PDXDC1: variants seen among roughly 807,000 people sequenced by gnomAD.
The protein encoded by PDXDC1 is pyridoxal dependent decarboxylase domain containing 1, also known as pyridoxal-dependent decarboxylase domain-containing protein 1.
A neutral mutation model predicts 100.1 loss-of-function variants in PDXDC1; 42 were observed. The observed-to-expected ratio is 0.42, with a 90% CI of 0.33 to 0.54. The LOEUF (loss-of-function observed/expected upper bound fraction) is 0.54, where lower values mean the gene tolerates loss of function less well. Among genes scored for constraint, PDXDC1 ranks in the 20% least tolerant of loss-of-function variants. The pLI is 0.10. For missense variants in PDXDC1, 636 were observed against 979.2 expected (o/e 0.65, Z 4.68); for synonymous variants, 260 against 371.7 (o/e 0.70, Z 3.46).
chr16:15,044,522 C>G, intron 16 of PDXDC1: 1 of 740,216 alleles, frequency 1.4e-6, no homozygotes, highest in East Asian at 2.7e-5. Context: ...AGCAGAGCTG[C>G]AGGTCATCTT....
intron 16 of PDXDC1, chr16:15,044,854 C>T (rs1416515342): frequency 1.9e-5 from 3 of 157,874 alleles, no homozygotes; most frequent in Non-Finnish European, 2.8e-5. Flanking sequence ...GGCGCAGTGG[C>T]TCACGCCTGT....
chr16:15,094,377 G>A (rs377296416), intron 16 of PDXDC1: 6 of 734,564 alleles, frequency 8.2e-6, no homozygotes, highest in South Asian at 6.5e-5. Context: ...GCTCTCGGCG[G>A]GCTAGAGCGC....
chr16:14,998,531 G>T lies in PDXDC1; in HGVS notation c.161+126G>T, dbSNP rs577476983. ...ACAATCTGGGCTCGCTGCAACCTCC[G>T]CCTCCCGGGTTCAAGCAGTTCTTTC... On this transcript the variant is annotated intron_variant, in intron 3 of 22. Coordinates refer to ENST00000396410, the MANE Select transcript of PDXDC1 (RefSeq NM_015027.4). 6 of 986,736 alleles carry T rather than the reference G, an allele frequency of 6.1e-6. No homozygotes were observed. In the South Asian group the frequency reaches 9.9e-5, roughly 16 times the overall value. The allele number at this position is 986,736 out of a possible 1,614,324, so 61.1% of individuals were successfully genotyped here. A position where few individuals can be genotyped will look rare whatever the true frequency, so the allele number is the denominator to read the frequency against.
chr16:15,021,454 C>G (rs553268010), intron 12 of PDXDC1, among the ~76,000 whole-genome samples: 1 of 152,312 alleles, frequency 6.6e-6, no homozygotes, highest in Non-Finnish European at 1.5e-5. Context: ...TGAAAAGTGT[C>G]TCACTGTGCT....
At chr16:15,000,867 T>C (rs1972988908) in intron 3 of PDXDC1, among the ~76,000 whole-genome samples, 2 of 150,378 alleles carry the variant, frequency 1.3e-5, no homozygotes, top group Non-Finnish European at 1.5e-5. Context: ...CTGTCTAGCA[T>C]TATACTATAC....
intron 16 of PDXDC1, chr16:15,094,151 C>A: frequency 6.3e-7 from 1 of 1,598,218 alleles, no homozygotes; most frequent in Non-Finnish European, 8.5e-7. Context: ...TTACCCAGTC[C>A]TCGACGCGCC....
chr16:15,136,186 C>T, intron 16 of PDXDC1: 1 of 797,874 alleles, frequency 1.3e-6, no homozygotes, highest in Admixed American at 2.3e-5. Flanking sequence ...ATCCTCCCAC[C>T]CTCACAGCAG....
At chr16:15,080,160 C>G in intron 16 of PDXDC1, 1 of 1,509,124 alleles carries the variant, frequency 6.6e-7, no homozygotes, top group East Asian at 2.4e-5. Context: ...GTTATGTAAG[C>G]AAAACATCAA....
At chr16:15,142,677 C>T (rs926087061), downstream of PDXDC1, among the ~76,000 whole-genome samples, 3 of 152,182 alleles carry the variant, frequency 2.0e-5, no homozygotes, top group African/African-American at 7.2e-5. Flanking sequence ...ACGTCTGCAT[C>T]TGCTTTTGCC....
At chr16:15,040,133 C>A (rs1056118251), downstream of PDXDC1, 30 of 830,726 alleles carry the variant, frequency 3.6e-5, no homozygotes, top group Non-Finnish European at 5.9e-5. Flanking sequence ...CACAGTCTTA[C>A]ATTTCTACCA....
chr16:14,990,704 C>T (rs1377681469), intron 1 of PDXDC1, among the ~76,000 whole-genome samples: 1 of 152,282 alleles, frequency 6.6e-6, no homozygotes, highest in African/African-American at 2.4e-5. Context: ...ACCCACTCCC[C>T]CCTGGGCTTA....
At chr16:15,020,271 C>T (rs1245953029) in intron 12 of PDXDC1, among the ~76,000 whole-genome samples, 9 of 152,266 alleles carry the variant, frequency 5.9e-5, no homozygotes, top group South Asian at 2.1e-4. Context: ...GCTCGAGGAA[C>T]GAATACAGGT....
intron 16 of PDXDC1, chr16:15,110,314 G>C (rs1370968463): frequency 9.4e-7 from 1 of 1,066,314 alleles, no homozygotes; most frequent in East Asian, 2.5e-5. Context: ...CACTGAATTT[G>C]CCACAAATAT....
the PDXDC1 span, among the ~76,000 whole-genome samples, chr16:15,144,369 T>G: frequency 2.0e-5 from 3 of 152,080 alleles, no homozygotes; most frequent in Non-Finnish European, 2.9e-5. Flanking sequence ...AGGCTGCAGT[T>G]TGGGACGGTG....
chr16:15,002,063 T>C (rs1973283312), intron 4 of PDXDC1, among the ~76,000 whole-genome samples: 1 of 152,302 alleles, frequency 6.6e-6, no homozygotes, highest in South Asian at 2.1e-4. Context: ...TCCCATAGTT[T>C]TTATGGTATC....
intron 14 of PDXDC1, among the ~76,000 whole-genome samples, chr16:15,027,898 C>T (rs1299535635): frequency 6.6e-6 from 1 of 152,278 alleles, no homozygotes; most frequent in Non-Finnish European, 1.5e-5. Flanking sequence ...CTTGTCCTCA[C>T]CTAGGTCCGT....
At chr16:15,084,789 G>A (rs932152387) in intron 16 of PDXDC1, 8 of 952,308 alleles carry the variant, frequency 8.4e-6, no homozygotes, top group Non-Finnish European at 1.4e-5. Context: ...ATGCTGGCTG[G>A]GCACAGTGGC....
chr16:15,028,180 AGTC>A (rs2042770739), intron 14 of PDXDC1, among the ~76,000 whole-genome samples: 1 of 152,284 alleles, frequency 6.6e-6, no homozygotes, highest in Non-Finnish European at 1.5e-5. Context: ...CAGTCAGACC[AGTC>A]TTCTCCGCGC....
the PDXDC1 span, among the ~76,000 whole-genome samples, chr16:15,145,076 CAA>C: frequency 6.6e-6 from 1 of 152,142 alleles, no homozygotes; most frequent in Non-Finnish European, 1.5e-5. Context: ...CACAGAGGCT[CAA>C]GAGGCCCTCC....
Sources: allele counts gnomAD v4.1 joint callset (sites outside exome capture counted in the v4.1 genomes callset), GRCh38; gene constraint gnomAD v4.1.1; transcripts MANE v1.5; gene names NCBI Gene and HGNC (gene_info 2026-07-23, HGNC 2026-07-21).